DLGAP2: variants seen among roughly 807,000 people sequenced by gnomAD.
DLGAP2 encodes disks large-associated protein 2.
In DLGAP2, 26 loss-of-function variants were observed where a neutral mutation model predicts 100.3. The ratio of observed to expected loss-of-function variants is 0.26; its 90% CI spans 0.19 to 0.36. The LOEUF (loss-of-function observed/expected upper bound fraction) is 0.36, where lower values mean the gene tolerates loss of function less well. Ranked by LOEUF, DLGAP2 falls within the 10% of genes least tolerant of loss-of-function variation. The pLI is 1.00. For missense variants in DLGAP2, 1,858 were observed against 1,453.2 expected, an observed-to-expected ratio of 1.28 and a Z score of -4.53; for synonymous variants, 886 against 630.1, an observed-to-expected ratio of 1.41 and a Z score of -6.08.
chr8:771,085 TC>T (rs1348879445), intron 1 of DLGAP2, among the ~76,000 whole-genome samples: 5 of 152,150 alleles, frequency 3.3e-5, no homozygotes, highest in African/African-American at 1.2e-4. Context: ...TTGTGACAGG[TC>T]CCTTGGTCCT....
In DLGAP2 at chr8:1,501,409, G is replaced by A. The variant is rs764994188; in HGVS notation, c.150G>A (p.Pro50=). The part of the protein sequence containing the change: ...GDLVQPGISF[P]GPAEEDLDPQ... ...TGGTCCAGCCGGGCATCAGCTTTCC[G>A]GGGCCGGCAGAGGAGGATCTAGGTA... The change falls in exon 4 of 15, where the codon CCG becomes CCA. Residue 50 remains proline, a synonymous_variant. Transcript: ENST00000637795. The A allele has an allele frequency of 1.5e-5, 23 of 1,535,648 alleles. No individual in the cohort carries two copies. Among genetic ancestry groups the A allele is most frequent in the East Asian group, 7.3e-5 (3 of 40,916 alleles).
intron 3 of DLGAP2, among the ~76,000 whole-genome samples, chr8:1,474,674 G>A (rs1584938526): frequency 6.6e-6 from 1 of 152,128 alleles, no homozygotes; most frequent in Non-Finnish European, 1.5e-5. Flanking sequence ...ACCACAGTAA[G>A]ATACGATCTC....
At chr8:1,286,969 C>T (rs1372562760) in intron 3 of DLGAP2, among the ~76,000 whole-genome samples, 1 of 152,220 alleles carries the variant, frequency 6.6e-6, no homozygotes, top group African/African-American at 2.4e-5. Flanking sequence ...AGTTATAAAC[C>T]TTAGCAAATT....
intron 1 of DLGAP2, among the ~76,000 whole-genome samples, chr8:794,784 G>A (rs1319484127): frequency 6.6e-6 from 1 of 152,188 alleles, no homozygotes; most frequent in African/African-American, 2.4e-5. Context: ...CAGCTGGCCT[G>A]TGGGTGAACG....
intron 3 of DLGAP2, among the ~76,000 whole-genome samples, chr8:1,413,772 A>T (rs1796799650): frequency 6.6e-6 from 1 of 152,260 alleles, no homozygotes; most frequent in South Asian, 2.1e-4. Flanking sequence ...ATGGGGTTAG[A>T]TTGTGCAGGT....
At chr8:1,416,459 C>T (rs977285756) in intron 3 of DLGAP2, among the ~76,000 whole-genome samples, 1 of 152,206 alleles carries the variant, frequency 6.6e-6, no homozygotes, top group African/African-American at 2.4e-5. Context: ...CAGAACAGTC[C>T]ATCAGGCGGA....
At chr8:1,046,100 C>G (rs775632126) in intron 2 of DLGAP2, among the ~76,000 whole-genome samples, 15 of 152,074 alleles carry the variant, frequency 9.9e-5, no homozygotes, top group Non-Finnish European at 2.2e-4. Context: ...TAAAAGCTGC[C>G]CAGTTACCAG....
At chr8:1,091,116 G>A (rs943580850) in intron 2 of DLGAP2, among the ~76,000 whole-genome samples, 1 of 152,120 alleles carries the variant, frequency 6.6e-6, no homozygotes, top group African/African-American at 2.4e-5. Flanking sequence ...GACCCATCTC[G>A]AGCAGTGGAG....
At chr8:850,678 G>A (rs1797168567) in intron 1 of DLGAP2, among the ~76,000 whole-genome samples, 1 of 151,982 alleles carries the variant, frequency 6.6e-6, no homozygotes, top group Non-Finnish European at 1.5e-5. Context: ...ATGCATTATT[G>A]GCCTTTATGT....
At chr8:1,196,218 A>T (rs1033360520) in intron 2 of DLGAP2, among the ~76,000 whole-genome samples, 1 of 152,208 alleles carries the variant, frequency 6.6e-6, no homozygotes. Flanking sequence ...ATATCCTTCA[A>T]TTCTTTTAGA....
chr8:783,338 A>C (rs970445220), intron 1 of DLGAP2, among the ~76,000 whole-genome samples: 5 of 152,196 alleles, frequency 3.3e-5, no homozygotes, highest in African/African-American at 1.2e-4. Flanking sequence ...ATGCATGGTA[A>C]CATTTCTTTC....
At chr8:956,837 G>A (rs1476351238) in intron 2 of DLGAP2, among the ~76,000 whole-genome samples, 3 of 152,196 alleles carry the variant, frequency 2.0e-5, no homozygotes, top group African/African-American at 7.2e-5. Flanking sequence ...GTATTTAAGT[G>A]GGAACAGGAT....
rs539522783 is a variant in DLGAP2 at position 881,327 on chromosome 8, G to A, written c.19-26585G>A. ...TTCCTCAGTTTTATGTAGGACGTTTGCCCCGATAATTTGACTGGTTGTATC... is the reference window on the plus strand; with the variant it reads ...TTCCTCAGTTTTATGTAGGACGTTTACCCCGATAATTTGACTGGTTGTATC... On this transcript the variant is annotated intron_variant, in intron 1 of 14. Transcript: ENST00000637795. Among the ~76,000 whole-genome samples the A allele has an allele frequency of 2.7e-4, 41 of 152,232 alleles. 1 individual carries two copies. In the South Asian group the frequency reaches 3.9e-3, roughly 15 times the overall value.
At chr8:1,488,190 T>C (rs1320272749) in intron 3 of DLGAP2, among the ~76,000 whole-genome samples, 1 of 152,122 alleles carries the variant, frequency 6.6e-6, no homozygotes, top group Non-Finnish European at 1.5e-5. Context: ...CTCCCCACAC[T>C]GTCCTCCACA....
At chr8:796,545 C>T (rs1027574760) in intron 1 of DLGAP2, among the ~76,000 whole-genome samples, 5 of 152,200 alleles carry the variant, frequency 3.3e-5, no homozygotes, top group Admixed American at 1.3e-4. Context: ...ATGCCACTCC[C>T]TTTGCTCAGG....
At chr8:1,510,505 G>T (rs1016935836) in intron 4 of DLGAP2, among the ~76,000 whole-genome samples, 14 of 152,354 alleles carry the variant, frequency 9.2e-5, no homozygotes, top group African/African-American at 3.4e-4. Context: ...CAGGTCCAAG[G>T]GTTGAACACG....
At chr8:1,425,157 A>C (rs1797204148) in intron 3 of DLGAP2, among the ~76,000 whole-genome samples, 1 of 152,244 alleles carries the variant, frequency 6.6e-6, no homozygotes, top group Non-Finnish European at 1.5e-5. Context: ...AAGGATTTTT[A>C]AATTTATAAA....
intron 1 of DLGAP2, among the ~76,000 whole-genome samples, chr8:880,375 A>G (rs546515495): frequency 4.7e-4 from 72 of 152,316 alleles, no homozygotes; most frequent in Admixed American, 8.5e-4. Flanking sequence ...ATTCCCCAGG[A>G]AAGTGTCCAC....
At chr8:1,210,532 C>T (rs1563255687) in intron 2 of DLGAP2, among the ~76,000 whole-genome samples, 2 of 152,192 alleles carry the variant, frequency 1.3e-5, no homozygotes, top group African/African-American at 4.8e-5. Flanking sequence ...TAGAATGCCC[C>T]CAGCAAGCAC....
Sources: gnomAD v4.1 joint callset for allele counts (sites outside exome capture counted in the v4.1 genomes callset) on GRCh38, gnomAD v4.1.1 for gene constraint, MANE v1.5 for transcripts, NCBI Gene and HGNC (gene_info 2026-07-23, HGNC 2026-07-21) for gene names.